Variants in PPM1K observed in about 807,000 individuals in gnomAD.
PPM1K encodes protein phosphatase Mn(2+)-dependent 1K.
In PPM1K, 19 loss-of-function variants were observed where a neutral mutation model predicts 32.6. The observed-to-expected ratio is 0.58, with a 90% CI of 0.41 to 0.86. The LOEUF is 0.86. Among genes scored for constraint, PPM1K ranks in the 40% least tolerant of loss-of-function variants. PPM1K has a pLI of 0.00. For missense variants in PPM1K, 362 were observed against 461.2 expected, an observed-to-expected ratio of 0.78 and a Z score of 1.97; for synonymous variants, 159 against 165.3, an observed-to-expected ratio of 0.96 and a Z score of 0.29.
chr4:88,276,906 G>T (rs1731787140), intron 3 of PPM1K: 3 of 847,898 alleles, frequency 3.5e-6, no homozygotes, highest in Non-Finnish European at 3.1e-6. Flanking sequence ...CTGTTTCGGG[G>T]CTTCTCTTTC....
Position 88,261,313 on chromosome 4 carries a change from A to G in PPM1K, c.*1282T>C, listed in dbSNP as rs768209009. On this transcript the variant is annotated 3_prime_UTR_variant, in exon 7 of 7. Coordinates refer to ENST00000608933, the MANE Select transcript of PPM1K (RefSeq NM_152542.5). ...CTTAGAAAATGAGCAAAAAGGAGAC[A>G]TAAAACTCAAGCTATGTCTATAGCA... The G allele has an allele frequency of 6.6e-6, 1 of 152,222 alleles. No homozygotes were observed. The highest frequency in any genetic ancestry group is 1.5e-5 in the Non-Finnish European group (1 of 68,034). 9.4% of individuals were successfully genotyped at this position (152,222 alleles called of 1,614,324 possible).
Position 88,277,058 on chromosome 4 carries a change from C to A in PPM1K, c.541+85G>T, listed in dbSNP as rs1043107114. ...CAATTGTCCATTAAAATCCCCTCCC[C>A]CAAAGGACTTAAAGTGTTTCCTTTT... On this transcript the variant is annotated intron_variant, in intron 3 of 6. Transcript: ENST00000608933. 1.3e-5 allele frequency: 13 copies of A among 1,029,708 alleles called. No individual in the cohort carries two copies. In the South Asian group the frequency reaches 1.4e-4, roughly 11 times the overall value. 63.8% of individuals were successfully genotyped at this position (1,029,708 alleles called of 1,614,324 possible).
At chr4:88,280,224 C>T (rs2869926) in intron 1 of PPM1K, among the ~76,000 whole-genome samples, 48,753 of 151,904 alleles carry the variant, frequency 0.32, 8,678 homozygotes, top group Non-Finnish European at 0.4. Context: ...TACAGGCATG[C>T]GCCACAGAGA....
chr4:88,280,310 G>T (rs1451915587), intron 1 of PPM1K, among the ~76,000 whole-genome samples: 1 of 152,078 alleles, frequency 6.6e-6, no homozygotes, highest in Non-Finnish European at 1.5e-5. Context: ...GAATAAAGAT[G>T]GCCACCAAAA....
At chr4:88,276,257 G>A in intron 3 of PPM1K, 1 of 985,326 alleles carries the variant, frequency 1.0e-6, no homozygotes, top group Non-Finnish European at 1.2e-6. Flanking sequence ...TGACATTTCT[G>A]TGGTGCACTT....
At chr4:88,264,612 T>A (rs1731237631) in intron 6 of PPM1K, among the ~76,000 whole-genome samples, 1 of 152,212 alleles carries the variant, frequency 6.6e-6, no homozygotes, top group Admixed American at 6.5e-5. Context: ...GTTTTCCTCA[T>A]CTGTGAAAAA....
Position 88,268,777 on chromosome 4 carries a change from A to G in PPM1K, c.671T>C (p.Ile224Thr). The G allele has an allele frequency of 6.2e-7, 1 of 1,614,048 alleles. No individual in the cohort carries two copies. Among genetic ancestry groups the G allele is most frequent in the Non-Finnish European group, 8.5e-7 (1 of 1,179,912 alleles). Reference protein sequence around the residue: ...CRKGKPMKLTIDHTPERKDEK... With the variant: ...CRKGKPMKLTTDHTPERKDEK... ...ATCTTTTCTTTCTGGAGTATGGTCA[A>G]TGGTCAGCTTCATGGGTTTTCCTTT... The change falls in exon 4 of 7, where the codon ATT becomes ACT. Residue 224 changes from isoleucine (I) to threonine (T), a missense_variant. Transcript: ENST00000608933.
At chr4:88,268,410 C>A (rs1241256567) in intron 4 of PPM1K, 76 bp from the exon 5 acceptor site, 2 of 1,527,164 alleles carry the variant, frequency 1.3e-6, no homozygotes, top group African/African-American at 1.4e-5. Context: ...ATCACGAGGT[C>A]AGGAGATCGA....
rs1578322473 is a variant in PPM1K, at chr4:88,278,124, G to A, written c.440+20C>T. The A allele has an allele frequency of 2.5e-6, 4 of 1,594,440 alleles. No individual in the cohort carries two copies. The highest frequency in any genetic ancestry group is 2.2e-5 in the East Asian group (1 of 44,580). On this transcript the variant is annotated intron_variant, in intron 2 of 6. Transcript: ENST00000608933. The surrounding 1 kb of genome is among the most constrained non-coding windows in gnomAD (Gnocchi z 4.2). ...AAGTATAGGAACTGCAAAGTCAGGAGTGAAAGTCATTGTACATACATAATA... is the reference window on the plus strand; with the variant it reads ...AAGTATAGGAACTGCAAAGTCAGGAATGAAAGTCATTGTACATACATAATA...
intron 1 of PPM1K, chr4:88,279,416 C>T (rs1287793563): frequency 3.3e-5 from 5 of 152,224 alleles, no homozygotes; most frequent in Admixed American, 2.6e-4. Context: ...TCCTAGCAGA[C>T]TCTCTCACTA....
chr4:88,269,487 T>A (rs1229730566), intron 3 of PPM1K, among the ~76,000 whole-genome samples: 1 of 152,212 alleles, frequency 6.6e-6, no homozygotes, highest in Non-Finnish European at 1.5e-5. Flanking sequence ...TTATAAATGT[T>A]CACCAAAAAA....
rs757296524 is a variant in PPM1K at position 88,262,319 on chromosome 4, T to C, written c.*276A>G. On this transcript the variant is annotated 3_prime_UTR_variant, in exon 7 of 7. Transcript: ENST00000608933. ...GCCTAAGAGTCTTAAAAATTATTAA[T>C]GTGACACTCTCATCTCTCATCAAGT... The C allele has an allele frequency of 1.5e-4, 34 of 225,666 alleles. No homozygotes were observed. The highest frequency in any genetic ancestry group is 6.8e-4 in the Admixed American group (12 of 17,746). The allele number at this position is 225,666 out of a possible 1,614,324, so 14.0% of individuals were successfully genotyped here.
At chr4:88,272,004 A>T (rs1480333402) in intron 3 of PPM1K, among the ~76,000 whole-genome samples, 1 of 152,226 alleles carries the variant, frequency 6.6e-6, no homozygotes, top group East Asian at 1.9e-4. Flanking sequence ...AGGCCGACAC[A>T]TCAAAAGAAA....
intron 5 of PPM1K, among the ~76,000 whole-genome samples, chr4:88,267,436 T>C (rs1292916018): frequency 3.9e-5 from 6 of 152,036 alleles, no homozygotes; most frequent in African/African-American, 1.5e-4. Flanking sequence ...TGCTGGCTGA[T>C]TGGGTGCAGG....
intron 5 of PPM1K, among the ~76,000 whole-genome samples, chr4:88,267,639 T>C (rs1174251801): frequency 2.6e-5 from 4 of 152,226 alleles, no homozygotes; most frequent in Non-Finnish European, 5.9e-5. Flanking sequence ...CATCAGTCCT[T>C]CTTTACTGGA....
At chr4:88,281,948 T>A (rs1436207476) in intron 1 of PPM1K, among the ~76,000 whole-genome samples, 2 of 151,686 alleles carry the variant, frequency 1.3e-5, no homozygotes, top group African/African-American at 4.8e-5. Context: ...GAACTTGTGA[T>A]GTGAAAAACA....
At chr4:88,276,231 C>A in intron 3 of PPM1K, 1 of 985,426 alleles carries the variant, frequency 1.0e-6, no homozygotes, top group Non-Finnish European at 1.2e-6. Context: ...TGTATTCCAA[C>A]TGAAGACTGT....
At chr4:88,275,264 T>C (rs1011575172) in intron 3 of PPM1K, 2 of 741,214 alleles carry the variant, frequency 2.7e-6, no homozygotes. Flanking sequence ...CATGCTGATC[T>C]CTGTATCATT....
At chr4:88,276,580 A>G in intron 3 of PPM1K, 1 of 985,436 alleles carries the variant, frequency 1.0e-6, no homozygotes, top group Non-Finnish European at 1.2e-6. Context: ...ACTAGTTACC[A>G]GAGAAAAGCT....
Sources: gnomAD v4.1 joint callset for allele counts (sites outside exome capture counted in the v4.1 genomes callset) on GRCh38, gnomAD v4.1.1 for gene constraint, Gnocchi (gnomAD v3.1) non-coding constraint, MANE v1.5 for transcripts, NCBI Gene and HGNC (gene_info 2026-07-23, HGNC 2026-07-21) for gene names.